The following MYLK variants were observed in gnomAD, a reference collection of about 807,000 sequenced individuals.
MYLK encodes myosin light chain kinase.
A neutral mutation model predicts 203.4 loss-of-function variants in MYLK; 106 were observed. The observed-to-expected ratio is 0.52, with a 90% CI of 0.45 to 0.61. MYLK has a LOEUF of 0.61. Ranked by LOEUF, MYLK falls within the 20% of genes least tolerant of loss-of-function variation. The pLI is 0.00. For synonymous variants in MYLK, 867 were observed against 959.5 expected (o/e 0.90, Z 1.78); for missense variants, 2,072 against 2,442.3 (o/e 0.85, Z 3.20).
At chr3:123,676,943 T>C (rs747000237) in intron 20 of MYLK, among the ~76,000 whole-genome samples, 10 of 152,206 alleles carry the variant, frequency 6.6e-5, no homozygotes, top group Non-Finnish European at 1.3e-4. Context: ...CATCACCTCA[T>C]GTGCATTTCC....
intron 7 of MYLK, among the ~76,000 whole-genome samples, chr3:123,738,018 C>T (rs1274506918): frequency 6.6e-6 from 1 of 152,078 alleles, no homozygotes; most frequent in African/African-American, 2.4e-5. Flanking sequence ...CCATCCCCAA[C>T]CCCATGCCAC....
At chr3:123,633,829 C>CTG (rs144834366) in intron 29 of MYLK, among the ~76,000 whole-genome samples, 23 of 151,832 alleles carry the variant, frequency 1.5e-4, no homozygotes, top group Middle Eastern at 3.4e-3. Context: ...ACTACACTTT[C>CTG]TGTGTGTGTG....
At chr3:123,647,498 T>C in intron 26 of MYLK, 71 bp from the exon 27 acceptor site, 1 of 1,356,426 alleles carries the variant, frequency 7.4e-7, no homozygotes, top group Non-Finnish European at 1.1e-6. Context: ...GGTTGGCAAA[T>C]TATGGCCCAT....
At chr3:123,643,802 T>C (rs1175811829) in intron 27 of MYLK, among the ~76,000 whole-genome samples, 1 of 152,260 alleles carries the variant, frequency 6.6e-6, no homozygotes, top group Non-Finnish European at 1.5e-5. Context: ...ATCACTGGAC[T>C]CGAGACCCTC....
intron 4 of MYLK, among the ~76,000 whole-genome samples, chr3:123,763,938 C>T (rs2063619761): frequency 6.6e-6 from 1 of 152,220 alleles, no homozygotes; most frequent in South Asian, 2.1e-4. Context: ...ATGAACTGGA[C>T]ATGAGCCCTA....
intron 3 of MYLK, among the ~76,000 whole-genome samples, chr3:123,803,460 C>T (rs1577024665): frequency 6.6e-6 from 1 of 152,188 alleles, no homozygotes; most frequent in Non-Finnish European, 1.5e-5. Context: ...GGTGCTGCCA[C>T]CCAAACCAGC....
In MYLK at chr3:123,838,743, C is replaced by A. The variant is rs74403551; in HGVS notation, c.-126-7073G>T. Among the ~76,000 whole-genome samples the A allele has an allele frequency of 3.0e-3, 460 of 152,248 alleles. 2 individuals are homozygous for A. Among genetic ancestry groups the A allele is most frequent in the African/African-American group, 0.01 (423 of 41,556 alleles). On this transcript the variant is annotated intron_variant, in intron 2 of 33. Transcript: ENST00000360304. ...TATATGTTGTAAACACTAGAGCACA[C>A]ACTACATTTTTAAAAAGAAGTATAA...
intron 4 of MYLK, among the ~76,000 whole-genome samples, chr3:123,758,114 T>C (rs1406633284): frequency 6.6e-6 from 1 of 151,440 alleles, no homozygotes; most frequent in East Asian, 1.9e-4. Flanking sequence ...AAAATGTCTA[T>C]AAAACTTACC....
intron 3 of MYLK, among the ~76,000 whole-genome samples, chr3:123,821,654 C>T (rs1040618107): frequency 4.6e-5 from 7 of 152,168 alleles, no homozygotes; most frequent in Non-Finnish European, 1.0e-4. Flanking sequence ...AGATGGCTTT[C>T]CATTTTGTCA....
chr3:123,693,045 T>A (rs1015249334), intron 18 of MYLK, among the ~76,000 whole-genome samples, 194 bp from the exon 19 acceptor site: 1 of 152,100 alleles, frequency 6.6e-6, no homozygotes, highest in Non-Finnish European at 1.5e-5. Flanking sequence ...CCAAAATAAC[T>A]GATCCCTAAA....
chr3:123,615,434 A>G (rs953135126), intron 33 of MYLK, among the ~76,000 whole-genome samples: 3 of 151,694 alleles, frequency 2.0e-5, no homozygotes, highest in Non-Finnish European at 2.9e-5. Flanking sequence ...CCTTGGTTCA[A>G]GTGATTCTTG....
Position 123,643,532 on chromosome 3 carries a change from G to A in MYLK, c.4620-3028C>T, listed in dbSNP as rs944854038. Among the ~76,000 whole-genome samples the A allele has an allele frequency of 2.0e-5, 3 of 152,288 alleles. No homozygotes were observed. In the East Asian group the frequency reaches 5.8e-4, roughly 29 times the overall value. The stretch of plus-strand genomic sequence containing the variant: ...TATGGTTCAACTTTCTAAGATGGAA[G>A]GGGTTAAAGAGGCAGGATTAATGGT... On this transcript the variant is annotated intron_variant, in intron 27 of 33. Coordinates refer to ENST00000360304, the MANE Select transcript of MYLK (RefSeq NM_053025.4).
intron 24 of MYLK, among the ~76,000 whole-genome samples, chr3:123,654,739 C>T (rs1412668121): frequency 9.6e-5 from 12 of 124,354 alleles, no homozygotes; most frequent in East Asian, 2.4e-4. Flanking sequence ...TTTTTTGAGA[C>T]GGAGTCTCAC....
At chr3:123,750,575 A>G (rs982337228) in intron 5 of MYLK, among the ~76,000 whole-genome samples, 1 of 152,190 alleles carries the variant, frequency 6.6e-6, no homozygotes, top group African/African-American at 2.4e-5. Flanking sequence ...GGTTGTAGAG[A>G]CCACCAAAGT....
chr3:123,695,921 G>C (rs1004237717), intron 18 of MYLK, among the ~76,000 whole-genome samples: 4 of 152,128 alleles, frequency 2.6e-5, no homozygotes, highest in African/African-American at 9.7e-5. Flanking sequence ...GGCAGGTCCC[G>C]GAAGGGCTAG....
intron 7 of MYLK, among the ~76,000 whole-genome samples, chr3:123,738,505 T>C (rs1294261927): frequency 6.6e-6 from 1 of 152,170 alleles, no homozygotes; most frequent in Non-Finnish European, 1.5e-5. Context: ...AGGGCTATGA[T>C]ATGGTTTGGC....
chr3:123,808,790 T>C (rs2065456708), intron 3 of MYLK, among the ~76,000 whole-genome samples: 1 of 152,260 alleles, frequency 6.6e-6, no homozygotes. Flanking sequence ...ATAAGTTTAC[T>C]GTAATTTTCA....
At chr3:123,687,425 G>C (rs1421965919) in intron 19 of MYLK, among the ~76,000 whole-genome samples, 2 of 152,146 alleles carry the variant, frequency 1.3e-5, no homozygotes, top group East Asian at 1.9e-4. Flanking sequence ...ACCTTGAGCA[G>C]GTGACTCAGT....
intron 12 of MYLK, among the ~76,000 whole-genome samples, chr3:123,724,488 A>G (rs1034265146): frequency 1.3e-5 from 2 of 152,132 alleles, no homozygotes; most frequent in African/African-American, 4.8e-5. Context: ...ACTGGATCCA[A>G]TAGGACTTCT....
Sources: allele counts gnomAD v4.1 joint callset (sites outside exome capture counted in the v4.1 genomes callset), GRCh38; gene constraint gnomAD v4.1.1; transcripts MANE v1.5; gene names NCBI Gene and HGNC (gene_info 2026-07-23, HGNC 2026-07-21).